The following TRPM3 variants were observed in gnomAD, a reference collection of about 807,000 sequenced individuals.
TRPM3 encodes the protein long transient receptor potential channel 3.
TRPM3 carries 77 observed loss-of-function variants against 181.2 expected under a neutral mutation model. The ratio of observed to expected loss-of-function variants is 0.42; its 90% CI spans 0.35 to 0.51. The LOEUF (loss-of-function observed/expected upper bound fraction) is 0.51, where lower values mean the gene tolerates loss of function less well. Ranked by LOEUF, TRPM3 falls within the 20% of genes least tolerant of loss-of-function variation. The probability of loss-of-function intolerance (pLI) is 0.01; values close to 1 mark genes in which losing one functional copy is unlikely to be tolerated. For synonymous variants in TRPM3, 745 were observed against 796.4 expected (o/e 0.94, Z 1.09); for missense variants, 1,759 against 2,196.7 (o/e 0.80, Z 3.98).
chr9:71,364,313 A>G (rs976539075), intron 1 of TRPM3, among the ~76,000 whole-genome samples: 6 of 152,238 alleles, frequency 3.9e-5, no homozygotes, highest in African/African-American at 1.2e-4. Flanking sequence ...GAACCATTTA[A>G]GGAAACTTGA....
rs746438921 is a variant in TRPM3 at position 71,439,504 on chromosome 9, C to T, written c.183+7149G>A. On this transcript the variant is annotated intron_variant, in intron 1 of 24. Transcript: ENST00000357533. ...CAATAAGATTCAGTTGCAAAACCAG[C>T]GAATGACCTGAACCAGGCTGGAAAT... is the stretch of plus-strand genomic sequence containing the variant. 1.5e-4 allele frequency among the ~76,000 whole-genome samples: 23 copies of T among 152,226 alleles called. No individual in the cohort carries two copies. The East Asian group carries it at 1.7e-3, about 12-fold the overall frequency.
At chr9:70,855,942 C>T (rs564329256) in intron 3 of TRPM3, among the ~76,000 whole-genome samples, 30 of 152,218 alleles carry the variant, frequency 2.0e-4, no homozygotes, top group African/African-American at 7.2e-4. Flanking sequence ...TGATGACCCA[C>T]AAAACTCTGG....
At chr9:71,031,538 A>T (rs895949317) in intron 1 of TRPM3, among the ~76,000 whole-genome samples, 1 of 152,148 alleles carries the variant, frequency 6.6e-6, no homozygotes, top group African/African-American at 2.4e-5. Flanking sequence ...TACCTGACAT[A>T]AAGTAGATAT....
intron 1 of TRPM3, among the ~76,000 whole-genome samples, chr9:71,441,630 C>A (rs1326106422): frequency 8.7e-6 from 1 of 114,604 alleles, no homozygotes; most frequent in African/African-American, 3.3e-5. Context: ...TTTGACTCGG[C>A]TTTTTTTTTT....
intron 9 of TRPM3, among the ~76,000 whole-genome samples, chr9:70,646,411 C>G (rs1226286609): frequency 6.6e-6 from 1 of 152,162 alleles, no homozygotes; most frequent in Non-Finnish European, 1.5e-5. Context: ...GAGTTCATGA[C>G]CTTTGCAGGG....
chr9:70,783,413 A>G, intron 7 of TRPM3, among the ~76,000 whole-genome samples: 1 of 152,052 alleles, frequency 6.6e-6, no homozygotes, highest in East Asian at 1.9e-4. Flanking sequence ...AATCTGCAAG[A>G]GTGCCTGGAT....
intron 1 of TRPM3, among the ~76,000 whole-genome samples, chr9:70,904,779 T>C (rs1484015415): frequency 6.6e-6 from 1 of 152,178 alleles, no homozygotes; most frequent in Admixed American, 6.5e-5. Context: ...GAGCTATAAA[T>C]AGAAAATATT....
rs180692796 is a variant in TRPM3, at chr9:71,241,464, G to A, written c.183+205189C>T. On this transcript the variant is annotated intron_variant, in intron 1 of 24. Coordinates refer to the TRPM3 transcript ENST00000357533. ...TGAACAATGAGAACACATGGACACC[G>A]GAAGGGGAACATCACACACCGGGGC... 1.5e-4 allele frequency among the ~76,000 whole-genome samples: 22 copies of A among 147,146 alleles called. No individual in the cohort carries two copies. The East Asian group carries it at 3.1e-3, about 21-fold the overall frequency.
chr9:70,949,839 ATTCTT>A (rs1244537464), intron 1 of TRPM3, among the ~76,000 whole-genome samples: 1 of 152,182 alleles, frequency 6.6e-6, no homozygotes, highest in African/African-American at 2.4e-5. Context: ...TTTAACATTC[ATTCTT>A]TTCTAGTGGT....
chr9:71,035,740 A>G (rs1767971431), intron 1 of TRPM3, among the ~76,000 whole-genome samples: 1 of 152,144 alleles, frequency 6.6e-6, no homozygotes, highest in Non-Finnish European at 1.5e-5. Flanking sequence ...TAAATAAAAT[A>G]AAAAATAAAA....
At chr9:70,864,234 G>A (rs1415745389) in intron 2 of TRPM3, among the ~76,000 whole-genome samples, 198 bp downstream of exon 2, 1 of 151,872 alleles carries the variant, frequency 6.6e-6, no homozygotes, top group Non-Finnish European at 1.5e-5. Flanking sequence ...TTCTTTATCG[G>A]CTCTTAGAGT....
chr9:71,272,251 AACTG>A (rs1326722684), intron 1 of TRPM3, among the ~76,000 whole-genome samples: 6 of 152,332 alleles, frequency 3.9e-5, no homozygotes, highest in South Asian at 4.1e-4. Flanking sequence ...TATTGAGAGA[AACTG>A]ACTATTTTAA....
At chr9:71,282,345 A>G (rs1041808295) in intron 1 of TRPM3, among the ~76,000 whole-genome samples, 77 of 82,618 alleles carry the variant, frequency 9.3e-4, no homozygotes, top group Non-Finnish European at 1.3e-3. Context: ...AGAAAGAAAG[A>G]AAAGAAAGAA....
intron 8 of TRPM3, among the ~76,000 whole-genome samples, chr9:70,752,660 T>C (rs938512872): frequency 6.6e-6 from 1 of 152,216 alleles, no homozygotes; most frequent in African/African-American, 2.4e-5. Flanking sequence ...TTTTTATCTT[T>C]AGATATGTTT....
chr9:70,893,879 A>G (rs2096246443), intron 1 of TRPM3, among the ~76,000 whole-genome samples: 1 of 152,212 alleles, frequency 6.6e-6, no homozygotes, highest in Admixed American at 6.5e-5. Context: ...AAAACATTCT[A>G]AGCCTCTCAG....
intron 9 of TRPM3, among the ~76,000 whole-genome samples, chr9:70,658,559 G>C (rs1248701824): frequency 2.0e-5 from 3 of 152,036 alleles, no homozygotes; most frequent in East Asian, 1.9e-4. Flanking sequence ...ATGACTTAGT[G>C]TATGTTATTA....
intron 1 of TRPM3, among the ~76,000 whole-genome samples, chr9:71,252,668 A>T (rs568969667): frequency 1.3e-5 from 2 of 151,586 alleles, no homozygotes; most frequent in Non-Finnish European, 2.9e-5. Flanking sequence ...AAAATAATAG[A>T]AAGACTTTTT....
chr9:70,631,662 A>G (rs2065883825), intron 12 of TRPM3, among the ~76,000 whole-genome samples: 1 of 152,224 alleles, frequency 6.6e-6, no homozygotes, highest in Non-Finnish European at 1.5e-5. Context: ...GGTACATTCA[A>G]TGGATTTATG....
At position 70,536,325 on chromosome 9, in the gene TRPM3, T is replaced by C. The variant is rs1444013302; in HGVS notation, c.4788A>G (p.Pro1596=). 1.2e-6 allele frequency: 2 copies of C among 1,614,048 alleles called. No homozygotes were observed. The highest frequency in any genetic ancestry group is 1.3e-5 in the African/African-American group (1 of 74,924). Residue 1596 remains proline (P), a synonymous_variant, in exon 26 of 26, where the codon CCA becomes CCG. Coordinates refer to ENST00000677713, the MANE Select transcript of TRPM3 (RefSeq NM_001366145.2). The stretch of plus-strand genomic sequence containing the variant: ...GGTGACTCAGTTCTGCTTCTCGCTC[T>C]GGATGGCAGCAAGTTAAGTCCTCCA... The part of the protein sequence containing the change: ...DKVEDLTCCH[P]EREAELSHPS...
Sources: allele counts gnomAD v4.1 joint callset (sites outside exome capture counted in the v4.1 genomes callset), GRCh38; gene constraint gnomAD v4.1.1; transcripts MANE v1.5; gene names NCBI Gene and HGNC (gene_info 2026-07-23, HGNC 2026-07-21).